PALM2AKAP2: variants seen among roughly 807,000 people sequenced by gnomAD.
PALM2AKAP2 encodes the protein PALM2-AKAP2 fusion protein.
Under a neutral mutation model 71.5 loss-of-function variants are expected in PALM2AKAP2, and 37 were observed. The observed-to-expected ratio is 0.52, with a 90% CI of 0.40 to 0.68. The LOEUF is 0.68. Among genes scored for constraint, PALM2AKAP2 ranks in the 30% least tolerant of loss-of-function variants. The pLI, the probability that PALM2AKAP2 is intolerant of heterozygous loss-of-function variation, is 0.00. For missense variants in PALM2AKAP2, 1,224 were observed against 1,191.8 expected (o/e 1.03, Z -0.40); for synonymous variants, 468 against 478.8 (o/e 0.98, Z 0.29).
At chr9:109,722,372 A>G (rs771109684) in intron 1 of PALM2AKAP2, among the ~76,000 whole-genome samples, 4 of 152,182 alleles carry the variant, frequency 2.6e-5, no homozygotes, top group Non-Finnish European at 5.9e-5. Context: ...TTTCCTCAGG[A>G]GTGGAGAGTT....
chr9:109,836,615 A>C (rs964966334), intron 1 of PALM2AKAP2, among the ~76,000 whole-genome samples: 1 of 152,256 alleles, frequency 6.6e-6, no homozygotes, highest in Non-Finnish European at 1.5e-5. Flanking sequence ...CATCGCAAAG[A>C]AGCTAAAACC....
intron 1 of PALM2AKAP2, among the ~76,000 whole-genome samples, chr9:109,660,245 G>A (rs897014170): frequency 4.6e-5 from 7 of 152,180 alleles, no homozygotes; most frequent in East Asian, 1.9e-4. Context: ...TGTGCACAAC[G>A]TGCAGGTTTG....
intron 1 of PALM2AKAP2, among the ~76,000 whole-genome samples, chr9:110,135,161 AAAAATATAT>A (rs1835820121): frequency 2.7e-5 from 2 of 75,042 alleles, no homozygotes; most frequent in African/African-American, 9.8e-5. Context: ...ACAAAAAAAA[AAAAATATAT>A]AAATATATAT....
intron 1 of PALM2AKAP2, among the ~76,000 whole-genome samples, chr9:110,132,027 A>G (rs1835744965): frequency 1.7e-5 from 2 of 114,896 alleles, no homozygotes; most frequent in African/African-American, 6.8e-5. Flanking sequence ...TTAACAAGTA[A>G]CTAGCGTGTG....
intron 1 of PALM2AKAP2, among the ~76,000 whole-genome samples, chr9:109,838,504 A>C (rs1255112096): frequency 1.3e-5 from 2 of 152,244 alleles, no homozygotes; most frequent in Non-Finnish European, 2.9e-5. Flanking sequence ...AAAAGCTAGC[A>C]GAAGGCAAGA....
At chr9:109,890,205 C>T (rs1207115338) in intron 3 of PALM2AKAP2, among the ~76,000 whole-genome samples, 1 of 152,228 alleles carries the variant, frequency 6.6e-6, no homozygotes, top group Non-Finnish European at 1.5e-5. Context: ...CAGCGATTCT[C>T]CAGCATGGAG....
intron 1 of PALM2AKAP2, among the ~76,000 whole-genome samples, chr9:109,694,715 A>C (rs184019665): frequency 6.6e-6 from 1 of 152,212 alleles, no homozygotes; most frequent in African/African-American, 2.4e-5. Flanking sequence ...CCAGAGTAGA[A>C]AGGAAGATTC....
intron 1 of PALM2AKAP2, among the ~76,000 whole-genome samples, chr9:109,817,400 C>A (rs1223048152): frequency 6.6e-6 from 1 of 152,204 alleles, no homozygotes; most frequent in Admixed American, 6.5e-5. Flanking sequence ...CTGTGAGTCA[C>A]AAGGGTAGCA....
intron 1 of PALM2AKAP2, among the ~76,000 whole-genome samples, chr9:109,729,116 T>C (rs1422417820): frequency 6.6e-6 from 1 of 152,180 alleles, no homozygotes; most frequent in African/African-American, 2.4e-5. Flanking sequence ...CTGCAGCATA[T>C]TTCATGCTAT....
At chr9:110,125,521 C>T in intron 1 of PALM2AKAP2, 1 of 985,522 alleles carries the variant, frequency 1.0e-6, no homozygotes, top group Non-Finnish European at 1.2e-6. Context: ...CCAGCTTGAG[C>T]CAGGGTGCAC....
chr9:109,778,895 A>C (rs1275361925), upstream of PALM2AKAP2, among the ~76,000 whole-genome samples: 1 of 151,794 alleles, frequency 6.6e-6, no homozygotes, highest in East Asian at 1.9e-4. Context: ...CGGCTTCCCA[A>C]GTAGCTGGGA....
At chr9:110,058,364 T>G (rs1833890778) in intron 1 of PALM2AKAP2, among the ~76,000 whole-genome samples, 1 of 152,162 alleles carries the variant, frequency 6.6e-6, no homozygotes, top group Non-Finnish European at 1.5e-5. Context: ...GTGGAAAAGT[T>G]TCTAAGCATG....
intron 1 of PALM2AKAP2, among the ~76,000 whole-genome samples, chr9:109,853,313 A>G (rs1457541962): frequency 2.6e-5 from 4 of 152,148 alleles, no homozygotes; most frequent in African/African-American, 9.7e-5. Context: ...AGCACCTCTC[A>G]TCTCAAGTTA....
chr9:109,728,428 T>C (rs1322369275), intron 1 of PALM2AKAP2, among the ~76,000 whole-genome samples: 1 of 152,170 alleles, frequency 6.6e-6, no homozygotes. Context: ...AGGTGGAAAG[T>C]GATCACAACA....
intron 6 of PALM2AKAP2, among the ~76,000 whole-genome samples, chr9:109,986,793 T>C (rs77199593): frequency 0.016 from 2,497 of 152,342 alleles, 81 homozygotes; most frequent in African/African-American, 0.057. Flanking sequence ...TTATAATGGA[T>C]AACTGCATTG....
At chr9:109,909,743 C>T (rs867634336) in intron 3 of PALM2AKAP2, among the ~76,000 whole-genome samples, 1 of 152,138 alleles carries the variant, frequency 6.6e-6, no homozygotes, top group East Asian at 1.9e-4. Context: ...GATACCTGAG[C>T]AGATGCTTTA....
chr9:110,044,340 CT>C (rs1291956311), upstream of PALM2AKAP2, among the ~76,000 whole-genome samples: 1 of 121,214 alleles, frequency 8.2e-6, no homozygotes, highest in African/African-American at 3.2e-5. Flanking sequence ...CTTTTTCTTT[CT>C]TTCTTTTTTT....
chr9:109,659,061 A>G (rs946164586), intron 1 of PALM2AKAP2, among the ~76,000 whole-genome samples: 1 of 152,230 alleles, frequency 6.6e-6, no homozygotes, highest in Non-Finnish European at 1.5e-5. Flanking sequence ...AAAAGATATT[A>G]ATGCTCAATC....
At chr9:110,143,419 A>AAAG (rs1554756610) in intron 2 of PALM2AKAP2, among the ~76,000 whole-genome samples, 1 of 147,218 alleles carries the variant, frequency 6.8e-6, no homozygotes, top group African/African-American at 2.5e-5. Context: ...GCCAAAAAAA[A>AAAG]AAAAAAAAAA....
Sources: allele counts gnomAD v4.1 joint callset (sites outside exome capture counted in the v4.1 genomes callset), GRCh38; gene constraint gnomAD v4.1.1; transcripts MANE v1.5; gene names NCBI Gene and HGNC (gene_info 2026-07-23, HGNC 2026-07-21).